SLC12A7: variants seen among roughly 807,000 people sequenced by gnomAD.
The protein encoded by SLC12A7 is K-Cl cotransporter 4.
A neutral mutation model predicts 120.6 loss-of-function variants in SLC12A7; 100 were observed. The observed-to-expected ratio is 0.83, with a 90% CI of 0.71 to 0.98. The LOEUF is 0.98. Among genes scored for constraint, SLC12A7 ranks in the 50% least tolerant of loss-of-function variants. The pLI is 0.00. For synonymous variants in SLC12A7, 760 were observed against 678.0 expected (o/e 1.12, Z -1.88); for missense variants, 1,373 against 1,548.1 (o/e 0.89, Z 1.90).
chr5:1,058,612 C>CTGTT (rs1293583370), intron 21 of SLC12A7, among the ~76,000 whole-genome samples: 1 of 152,244 alleles, frequency 6.6e-6, no homozygotes, highest in African/African-American at 2.4e-5. Context: ...CTGGATAAAA[C>CTGTT]TGTTTAACTT....
intron 1 of SLC12A7, among the ~76,000 whole-genome samples, chr5:1,106,563 G>A (rs548445432): frequency 4.1e-4 from 62 of 152,212 alleles, no homozygotes; most frequent in Non-Finnish European, 5.7e-4. Context: ...CTGGGGTGTC[G>A]GCTCCACTCG....
chr5:1,076,610 T>C (rs1738374452), intron 13 of SLC12A7, 84 bp downstream of exon 13: 7 of 993,412 alleles, frequency 7.0e-6, no homozygotes, highest in Non-Finnish European at 9.2e-6. Flanking sequence ...CTACTGCTTG[T>C]CCTGAGCAGG....
chr5:1,055,781 G>A (rs899601662), intron 22 of SLC12A7, among the ~76,000 whole-genome samples: 9 of 152,340 alleles, frequency 5.9e-5, no homozygotes, highest in Admixed American at 3.3e-4. Context: ...TAATTAACAC[G>A]CTATTCTGAA....
Position 1,050,632 on chromosome 5 carries a change from G to A in SLC12A7, c.*1728C>T, listed in dbSNP as rs117441955. The A allele has an allele frequency of 7.1e-5, 27 of 379,932 alleles. No individual in the cohort carries two copies. Among genetic ancestry groups the A allele is most frequent in the African/African-American group, 3.1e-4 (15 of 48,398 alleles). 23.5% of individuals were successfully genotyped at this position (379,932 alleles called of 1,614,324 possible). On this transcript the variant is annotated 3_prime_UTR_variant, in exon 24 of 24. Transcript: ENST00000264930. ...GGCTGTTTTCCAGCCACCAACCAACGTTCAGAGCCAGCACCATGTGGCCGC... is the reference window on the plus strand; with the variant it reads ...GGCTGTTTTCCAGCCACCAACCAACATTCAGAGCCAGCACCATGTGGCCGC...
the SLC12A7 span, among the ~76,000 whole-genome samples, chr5:1,130,623 G>GCCCACGCA: frequency 3.1e-5 from 3 of 98,016 alleles, no homozygotes; most frequent in African/African-American, 4.3e-5. Context: ...GCCAGGGTGG[G>GCCCACGCA]GGCAGCAGGG....
At chr5:1,068,873 G>A (rs1294178046) in intron 17 of SLC12A7, among the ~76,000 whole-genome samples, 1 of 152,262 alleles carries the variant, frequency 6.6e-6, no homozygotes, top group Non-Finnish European at 1.5e-5. Flanking sequence ...TGTCCCTCGT[G>A]CGCACAGACG....
the SLC12A7 span, among the ~76,000 whole-genome samples, chr5:1,142,618 C>A: frequency 1.4e-5 from 2 of 147,310 alleles, no homozygotes; most frequent in Non-Finnish European, 3.0e-5. Flanking sequence ...GTCTCTGTGT[C>A]TCTGTCTCTC....
chr5:1,125,783 G>C, the SLC12A7 span, among the ~76,000 whole-genome samples: 8 of 151,950 alleles, frequency 5.3e-5, no homozygotes, highest in African/African-American at 1.9e-4. Flanking sequence ...AAATTAGCCA[G>C]GCATGGTGGC....
At position 1,063,824 on chromosome 5, in the gene SLC12A7, C is replaced by G. The variant is rs780827864; in HGVS notation, c.2739+20G>C. The G allele has an allele frequency of 1.2e-5, 18 of 1,525,640 alleles. No individual in the cohort carries two copies. Among genetic ancestry groups the G allele is most frequent in the Non-Finnish European group, 1.6e-5 (18 of 1,123,506 alleles). 94.5% of individuals were successfully genotyped at this position (1,525,640 alleles called of 1,614,324 possible). A position where few individuals can be genotyped will look rare whatever the true frequency, so the allele number is the denominator to read the frequency against. On this transcript the variant is annotated intron_variant, in intron 20 of 23. Coordinates refer to ENST00000264930, the MANE Select transcript of SLC12A7 (RefSeq NM_006598.3). The stretch of plus-strand genomic sequence containing the variant: ...CCCCACCTCCCCCCGGCCTCCTCCC[C>G]TCAAGCCCTCGGGACTCACCATCTC...
intron 1 of SLC12A7, among the ~76,000 whole-genome samples, chr5:1,094,880 C>T (rs1424627418): frequency 2.6e-5 from 4 of 152,088 alleles, no homozygotes; most frequent in African/African-American, 7.2e-5. Context: ...GCCCAGGCTT[C>T]GAACCAGGGG....
chr5:1,094,373 AG>A, intron 1 of SLC12A7, 125 bp from the exon 2 acceptor site: 2 of 710,382 alleles, frequency 2.8e-6, no homozygotes, highest in East Asian at 5.2e-5. Context: ...ACCATGGCTA[AG>A]GGTGATACTT....
At chr5:1,143,434 C>T in the SLC12A7 span, among the ~76,000 whole-genome samples, 8 of 152,168 alleles carry the variant, frequency 5.3e-5, no homozygotes, top group South Asian at 2.1e-4. Context: ...CTCCCACGGC[C>T]GCTCCTCTGC....
intron 11 of SLC12A7, 49 bp downstream of exon 11, chr5:1,078,652 A>G (rs1409375031): frequency 6.8e-7 from 1 of 1,468,746 alleles, no homozygotes; most frequent in Admixed American, 1.7e-5. Context: ...CCTCAGGAAA[A>G]CCCTTGAAGA....
rs116738682 is a variant in SLC12A7 at position 1,093,003 on chromosome 5, A to G, written c.342+530T>C. 1.9e-3 allele frequency among the ~76,000 whole-genome samples: 284 copies of G among 152,256 alleles called. 1 individual carries two copies. The highest frequency in any genetic ancestry group is 6.6e-3 in the African/African-American group (276 of 41,554). On this transcript the variant is annotated intron_variant, in intron 3 of 23. Coordinates refer to ENST00000264930, the MANE Select transcript of SLC12A7 (RefSeq NM_006598.3). ...GGGGTTTCCACACCTCGTCACCCAC[A>G]GAAACCACTCAAGGGAAACCTTTCC...
In SLC12A7 at chr5:1,077,903, A is replaced by G. The variant is rs1196440618; in HGVS notation, c.1559T>C (p.Leu520Pro). The change falls in exon 12 of 24, where the codon CTG becomes CCG. Residue 520 changes from leucine (L) to proline (P), a missense_variant. Transcript: ENST00000264930. ...GSFFSTCGAG[L>P]QSLTGAPRLL... ...GCGCGGTGCCCCCGTGAGGCTCTGCAGGCCGGCACCGCAGGTGGAGAAGAA... is the reference window on the plus strand; with the variant it reads ...GCGCGGTGCCCCCGTGAGGCTCTGCGGGCCGGCACCGCAGGTGGAGAAGAA... 1.3e-6 allele frequency: 2 copies of G among 1,599,350 alleles called. No homozygotes were observed. The highest frequency in any genetic ancestry group is 1.7e-6 in the Non-Finnish European group (2 of 1,173,778).
rs1332685336 is a variant in SLC12A7 at position 1,076,755 on chromosome 5, G to C, written c.1687C>G (p.Leu563Val). 6.2e-7 allele frequency: 1 copy of C among 1,611,624 alleles called. No individual in the cohort carries two copies. ...ATGAGGATGCCAGTCTCGCAGATGAGGACTGTCAGCAGCAGCGCCCACGTG... is the reference window on the plus strand; with the variant it reads ...ATGAGGATGCCAGTCTCGCAGATGACGACTGTCAGCAGCAGCGCCCACGTG... ...EPTWALLLTV[L>V]ICETGILIAS... is the part of the protein sequence containing the mutation. Residue 563 changes from leucine to valine, a missense_variant, in exon 13 of 24, where the codon CTC becomes GTC. Coordinates refer to ENST00000264930, the MANE Select transcript of SLC12A7 (RefSeq NM_006598.3).
At chr5:1,082,645 G>A (rs1470131384) in intron 8 of SLC12A7, among the ~76,000 whole-genome samples, 264 of 116,386 alleles carry the variant, frequency 2.3e-3, no homozygotes, top group African/African-American at 8.5e-3. Context: ...GGGCTTCCCC[G>A]TCTCGGGTTC....
the SLC12A7 span, among the ~76,000 whole-genome samples, chr5:1,136,533 G>A: frequency 2.4e-5 from 3 of 126,516 alleles, no homozygotes; most frequent in Non-Finnish European, 4.7e-5. Flanking sequence ...AGTACACGCA[G>A]GCACACGTGT....
In SLC12A7 at chr5:1,085,487, G is replaced by T; in HGVS notation, c.676-14C>A. 1 of 1,592,484 alleles carries T rather than the reference G, an allele frequency of 6.3e-7. No homozygotes were observed. The highest frequency in any genetic ancestry group is 8.6e-7 in the Non-Finnish European group (1 of 1,169,460). Reference sequence around the variant, plus strand: ...GGAGATGTACGTCTGTGGGAACAAGGCCGGTCGGGAGGCCGTCCCCGGACA... The same window carrying T: ...GGAGATGTACGTCTGTGGGAACAAGTCCGGTCGGGAGGCCGTCCCCGGACA... On this transcript the variant is annotated splice_polypyrimidine_tract_variant and intron_variant, in intron 6 of 23. Coordinates refer to ENST00000264930, the MANE Select transcript of SLC12A7 (RefSeq NM_006598.3).
Sources: gnomAD v4.1 joint callset for allele counts (sites outside exome capture counted in the v4.1 genomes callset) on GRCh38, gnomAD v4.1.1 for gene constraint, MANE v1.5 for transcripts, NCBI Gene and HGNC (gene_info 2026-07-23, HGNC 2026-07-21) for gene names.